Variants in EPB41L4B observed in about 807,000 individuals in gnomAD.
EPB41L4B encodes the protein band 4.1-like protein 4B.
Under a neutral mutation model 112.5 loss-of-function variants are expected in EPB41L4B, and 30 were observed. The observed-to-expected ratio is 0.27, with a 90% confidence interval of 0.20 to 0.36. The LOEUF (loss-of-function observed/expected upper bound fraction) is 0.36. EPB41L4B is among the 10% of genes least tolerant of loss of function. EPB41L4B has a pLI of 1.00. For missense variants in EPB41L4B, 1,024 were observed against 1,133.3 expected (o/e 0.90, Z 1.38); for synonymous variants, 408 against 439.7 (o/e 0.93, Z 0.90).
intron 6 of EPB41L4B, among the ~76,000 whole-genome samples, chr9:109,262,452 G>GT (rs34849317): frequency 0.77 from 114,991 of 149,530 alleles, 44,274 homozygotes; most frequent in South Asian, 0.84. Context: ...TGTGTGTGGG[G>GT]GTGTGTGTGT....
intron 18 of EPB41L4B, among the ~76,000 whole-genome samples, chr9:109,206,425 C>T (rs1463400330): frequency 1.3e-5 from 2 of 152,226 alleles, no homozygotes; most frequent in African/African-American, 4.8e-5. Context: ...TCAAGTGATC[C>T]ACCCGCCTTG....
intron 25 of EPB41L4B, among the ~76,000 whole-genome samples, 172 bp from the exon 26 acceptor site, chr9:109,174,795 A>G (rs1040533905): frequency 1.3e-5 from 2 of 151,910 alleles, no homozygotes; most frequent in Non-Finnish European, 2.9e-5. Flanking sequence ...GAAATTGGCT[A>G]CTTACTGGTT....
chr9:109,243,406 T>A (rs1319000962), intron 15 of EPB41L4B, among the ~76,000 whole-genome samples: 1 of 152,234 alleles, frequency 6.6e-6, no homozygotes, highest in East Asian at 1.9e-4. Context: ...AAAAAATCAA[T>A]TCATTTTTTA....
chr9:109,200,294 C>T lies in EPB41L4B; in HGVS notation c.1987G>A (p.Val663Met), dbSNP rs1223548469. The change falls in exon 20 of 26, where the codon GTG becomes ATG. Residue 663 changes from valine to methionine, a missense_variant. Val to Met is a conservative substitution (Grantham distance 21). Transcript: ENST00000374566. Reference protein sequence around the residue: ...PIRVETAQPAVEKPEIKPPRV... With the variant: ...PIRVETAQPAMEKPEIKPPRV... ...GGAGGCTTGATTTCCGGCTTTTCCACAGCTGGCTGGGCAGTTTCCACACGA... is the reference window on the plus strand; with the variant it reads ...GGAGGCTTGATTTCCGGCTTTTCCATAGCTGGCTGGGCAGTTTCCACACGA... The T allele has an allele frequency of 6.2e-7, 1 of 1,614,138 alleles. No individual in the cohort carries two copies. Among genetic ancestry groups the T allele is most frequent in the Non-Finnish European group, 8.5e-7 (1 of 1,180,026 alleles).
intron 15 of EPB41L4B, among the ~76,000 whole-genome samples, chr9:109,229,547 C>T (rs1314928574): frequency 2.6e-5 from 4 of 152,148 alleles, no homozygotes; most frequent in Non-Finnish European, 5.9e-5. Flanking sequence ...TTCCTGGCGG[C>T]GGGATCAGTG....
chr9:109,221,462 C>T (rs1476241367), intron 15 of EPB41L4B, among the ~76,000 whole-genome samples: 2 of 152,074 alleles, frequency 1.3e-5, no homozygotes, highest in African/African-American at 2.4e-5. Context: ...CTGAGGGGCT[C>T]GTCTTCCACC....
At chr9:109,247,046 A>C (rs1448329748) in intron 14 of EPB41L4B, among the ~76,000 whole-genome samples, 1 of 152,102 alleles carries the variant, frequency 6.6e-6, no homozygotes, top group Non-Finnish European at 1.5e-5. Context: ...TCTGGGCTGA[A>C]GTGCAGTGGT....
chr9:109,233,903 A>C (rs1834046097), intron 15 of EPB41L4B, among the ~76,000 whole-genome samples: 1 of 152,196 alleles, frequency 6.6e-6, no homozygotes, highest in African/African-American at 2.4e-5. Flanking sequence ...TCACTATTAT[A>C]AATGCTAAGA....
chr9:109,213,888 A>C, intron 16 of EPB41L4B, 70 bp from the exon 17 acceptor site: 1 of 1,404,662 alleles, frequency 7.1e-7, no homozygotes, highest in Non-Finnish European at 1.0e-6. Flanking sequence ...GAAAAGGGAC[A>C]CTTGCCAGCG....
intron 24 of EPB41L4B, among the ~76,000 whole-genome samples, chr9:109,179,127 G>T (rs1291317943): frequency 6.6e-6 from 1 of 152,186 alleles, no homozygotes; most frequent in Non-Finnish European, 1.5e-5. Flanking sequence ...CCAGAGCCAG[G>T]CAGGGCTCCC....
intron 24 of EPB41L4B, among the ~76,000 whole-genome samples, chr9:109,177,388 C>T (rs1199732791): frequency 2.0e-5 from 3 of 152,158 alleles, no homozygotes; most frequent in Non-Finnish European, 4.4e-5. Flanking sequence ...GGTGATTCTT[C>T]TGGAGGAATT....
At chr9:109,288,927 A>G (rs1836415786) in intron 1 of EPB41L4B, among the ~76,000 whole-genome samples, 1 of 151,772 alleles carries the variant, frequency 6.6e-6, no homozygotes, top group South Asian at 2.1e-4. Context: ...AAGGAAAAAG[A>G]AAGGAAAGAA....
intron 1 of EPB41L4B, among the ~76,000 whole-genome samples, chr9:109,280,311 A>G (rs1376932637): frequency 1.3e-5 from 2 of 152,224 alleles, no homozygotes; most frequent in African/African-American, 4.8e-5. Flanking sequence ...TTACTTAGGA[A>G]AGAAAGCTCA....
At chr9:109,293,465 C>A (rs1043758643) in intron 1 of EPB41L4B, among the ~76,000 whole-genome samples, 9 of 151,110 alleles carry the variant, frequency 6.0e-5, no homozygotes, top group Non-Finnish European at 1.3e-4. Flanking sequence ...TCACTGCAAC[C>A]TCTGCCTTCT....
chr9:109,185,572 A>G lies in EPB41L4B; in HGVS notation c.2335T>C (p.Ser779Pro), dbSNP rs773263315. 6.2e-7 allele frequency: 1 copy of G among 1,612,708 alleles called. No homozygotes were observed. The highest frequency in any genetic ancestry group is 8.5e-7 in the Non-Finnish European group (1 of 1,179,372). ...EPASNPHCAH[S>P]RCSPPLSLPM... ...AGAGAGAGTGGAGGAGAACAGCGAGAGTGGGCACAGTGGGGGTTGCTGGCG... is the reference window on the plus strand; with the variant it reads ...AGAGAGAGTGGAGGAGAACAGCGAGGGTGGGCACAGTGGGGGTTGCTGGCG... The change falls in exon 23 of 26, where the codon TCT becomes CCT. Residue 779 changes from serine (S) to proline (P), a missense_variant. Coordinates refer to ENST00000374566, the MANE Select transcript of EPB41L4B (RefSeq NM_019114.5).
At chr9:109,176,747 T>C in intron 24 of EPB41L4B, 51 bp from the exon 25 acceptor site, 1 of 1,605,036 alleles carries the variant, frequency 6.2e-7, no homozygotes, top group African/African-American at 1.3e-5. Flanking sequence ...GGTTCCATTT[T>C]CACACTGTCA....
intron 1 of EPB41L4B, among the ~76,000 whole-genome samples, chr9:109,306,831 T>A (rs987823953): frequency 6.6e-6 from 1 of 152,144 alleles, no homozygotes; most frequent in Non-Finnish European, 1.5e-5. Flanking sequence ...AGCAATGCTT[T>A]GAAGGCTGGA....
At chr9:109,278,495 T>G (rs1835918904) in intron 2 of EPB41L4B, among the ~76,000 whole-genome samples, 1 of 152,164 alleles carries the variant, frequency 6.6e-6, no homozygotes, top group African/African-American at 2.4e-5. Flanking sequence ...TTTGTACATC[T>G]TCACCTTACA....
chr9:109,257,324 C>G (rs1040849966), intron 7 of EPB41L4B, among the ~76,000 whole-genome samples: 1 of 151,964 alleles, frequency 6.6e-6, no homozygotes, highest in South Asian at 2.1e-4. Context: ...CTAGGAAACC[C>G]GTGAGTGAGG....
Sources: gnomAD v4.1 joint callset for allele counts (sites outside exome capture counted in the v4.1 genomes callset) on GRCh38, gnomAD v4.1.1 for gene constraint, MANE v1.5 for transcripts, NCBI Gene and HGNC (gene_info 2026-07-23, HGNC 2026-07-21) for gene names.